OPCML: variants seen among roughly 807,000 people sequenced by gnomAD.
OPCML encodes the protein opioid-binding protein/cell adhesion molecule.
In OPCML, 13 loss-of-function variants were observed where a neutral mutation model predicts 37.8. The observed-to-expected ratio is 0.34, with a 90% CI of 0.22 to 0.55. The LOEUF is 0.55. Among genes scored for constraint, OPCML ranks in the 20% least tolerant of loss-of-function variants. The pLI, the probability that OPCML is intolerant of heterozygous loss-of-function variation, is 0.91. For missense variants in OPCML, 341 were observed against 435.6 expected (o/e 0.78, Z 1.93); for synonymous variants, 176 against 168.8 (o/e 1.04, Z -0.33).
chr11:133,425,640 C>T (rs535474675), intron 1 of OPCML, among the ~76,000 whole-genome samples: 1 of 152,288 alleles, frequency 6.6e-6, no homozygotes, highest in African/African-American at 2.4e-5. Flanking sequence ...GAGGTCTAGT[C>T]CTGCATCTTC....
intron 2 of OPCML, among the ~76,000 whole-genome samples, chr11:132,819,178 A>G (rs1325200097): frequency 3.3e-5 from 5 of 152,080 alleles, no homozygotes; most frequent in Non-Finnish European, 7.3e-5. Context: ...GAAAAATAAT[A>G]TCTGTAGCTT....
At chr11:132,573,231 C>T (rs2096442611) in intron 3 of OPCML, among the ~76,000 whole-genome samples, 1 of 151,686 alleles carries the variant, frequency 6.6e-6, no homozygotes, top group Non-Finnish European at 1.5e-5. Flanking sequence ...GTTTTTTAAA[C>T]CTTTTTTCTT....
intron 4 of OPCML, among the ~76,000 whole-genome samples, chr11:132,505,322 G>A (rs1024884285): frequency 6.6e-6 from 1 of 152,128 alleles, no homozygotes; most frequent in South Asian, 2.1e-4. Context: ...CTATTGTACA[G>A]CAGTGTGAAT....
chr11:133,517,984 A>G lies in OPCML; in HGVS notation c.61+14280T>C, dbSNP rs550137065. Among the ~76,000 whole-genome samples, 3 of 152,308 alleles carry G rather than the reference A, an allele frequency of 2.0e-5. No homozygotes were observed. In the South Asian group the frequency reaches 6.2e-4, roughly 32 times the overall value. Reference sequence around the variant, plus strand: ...CACCCAGGAAGCAGTCTCTTTCTCTAGCACTGCCAGTTCCGAGGAGGAGTC... The same window carrying G: ...CACCCAGGAAGCAGTCTCTTTCTCTGGCACTGCCAGTTCCGAGGAGGAGTC... On this transcript the variant is annotated intron_variant, in intron 1 of 7. Coordinates refer to ENST00000524381, the MANE Select transcript of OPCML (RefSeq NM_001012393.5).
intron 7 of OPCML, among the ~76,000 whole-genome samples, chr11:132,430,678 C>A (rs1179697483): frequency 1.3e-5 from 2 of 152,138 alleles, no homozygotes; most frequent in Non-Finnish European, 2.9e-5. Flanking sequence ...ACACTTAACT[C>A]TTAATGTAAC....
At chr11:132,971,906 CTTCAA>C (rs1946350950) in intron 1 of OPCML, among the ~76,000 whole-genome samples, 2 of 152,178 alleles carry the variant, frequency 1.3e-5, no homozygotes, top group South Asian at 4.1e-4. Context: ...ACTTATTGTA[CTTCAA>C]TTACTTGTAC....
intron 1 of OPCML, among the ~76,000 whole-genome samples, chr11:133,419,584 A>ACAC (rs1945839526): frequency 6.6e-6 from 1 of 152,134 alleles, no homozygotes; most frequent in African/African-American, 2.4e-5. Context: ...TATGGTGAAA[A>ACAC]CACTGTACAA....
intron 4 of OPCML, among the ~76,000 whole-genome samples, chr11:132,495,986 G>A (rs1223288084): frequency 6.6e-6 from 1 of 151,950 alleles, no homozygotes; most frequent in African/African-American, 2.4e-5. Context: ...TTTGTGCTAC[G>A]ACAGGTGCTA....
chr11:132,814,903 C>A (rs1253191932), intron 2 of OPCML, among the ~76,000 whole-genome samples: 1 of 152,014 alleles, frequency 6.6e-6, no homozygotes, highest in African/African-American at 2.4e-5. Context: ...ACACTTCCTA[C>A]AATAGCACAC....
chr11:132,954,526 G>A (rs1945936120), intron 1 of OPCML, among the ~76,000 whole-genome samples: 1 of 152,166 alleles, frequency 6.6e-6, no homozygotes, highest in South Asian at 2.1e-4. Context: ...GAACAGCGTT[G>A]CCAGTCCCAG....
chr11:132,484,860 T>C (rs902172703), intron 4 of OPCML, among the ~76,000 whole-genome samples: 3 of 152,090 alleles, frequency 2.0e-5, no homozygotes, highest in Non-Finnish European at 2.9e-5. Flanking sequence ...TAGGTGGGAA[T>C]TGAACAATGA....
intron 3 of OPCML, among the ~76,000 whole-genome samples, chr11:132,553,779 ACGTTTTCCC>A (rs1331684733): frequency 3.9e-5 from 6 of 152,210 alleles, no homozygotes; most frequent in African/African-American, 1.2e-4. Flanking sequence ...GCATTCCTGT[ACGTTTTCCC>A]CGGATTCCCC....
At chr11:132,464,694 C>T (rs532920895) in intron 4 of OPCML, among the ~76,000 whole-genome samples, 9 of 151,972 alleles carry the variant, frequency 5.9e-5, no homozygotes, top group African/African-American at 1.7e-4. Context: ...ATTAACGCCA[C>T]GCAGAGTAAG....
chr11:133,161,983 G>GTTTTTTTTTT (rs1592061925), intron 1 of OPCML, among the ~76,000 whole-genome samples: 1 of 78,018 alleles, frequency 1.3e-5, no homozygotes, highest in Non-Finnish European at 2.7e-5. Context: ...GGCAGTCTCT[G>GTTTTTTTTTT]TCTTTTTTTT....
chr11:132,535,065 T>C (rs1390248499), intron 3 of OPCML, among the ~76,000 whole-genome samples: 3 of 148,522 alleles, frequency 2.0e-5, no homozygotes, highest in Non-Finnish European at 4.5e-5. Context: ...AATAATATGG[T>C]ATAATATATT....
chr11:132,810,687 T>A (rs1005135247), intron 2 of OPCML: 2 of 152,138 alleles, frequency 1.3e-5, no homozygotes, highest in African/African-American at 4.8e-5. Flanking sequence ...CGAGACTCCA[T>A]CTCAAAAATA....
chr11:132,434,711 T>C (rs1017153606), intron 7 of OPCML, among the ~76,000 whole-genome samples: 1 of 152,156 alleles, frequency 6.6e-6, no homozygotes, highest in Non-Finnish European at 1.5e-5. Context: ...GTACTTTTAT[T>C]TTAAAATAAA....
At chr11:133,146,145 G>A (rs189058793) in intron 1 of OPCML, among the ~76,000 whole-genome samples, 5 of 152,144 alleles carry the variant, frequency 3.3e-5, no homozygotes, top group African/African-American at 1.2e-4. Context: ...GCCTTTGTGG[G>A]ACTGTGGCTG....
At chr11:132,477,371 T>G (rs1470531486) in intron 4 of OPCML, among the ~76,000 whole-genome samples, 1 of 152,198 alleles carries the variant, frequency 6.6e-6, no homozygotes, top group Non-Finnish European at 1.5e-5. Flanking sequence ...ACGTCTCCTT[T>G]CATCTCAGAC....
Sources: gnomAD v4.1 joint callset for allele counts (sites outside exome capture counted in the v4.1 genomes callset) on GRCh38, gnomAD v4.1.1 for gene constraint, MANE v1.5 for transcripts, NCBI Gene and HGNC (gene_info 2026-07-23, HGNC 2026-07-21) for gene names.